Variants in CRIP2 observed in about 807,000 individuals in gnomAD.
CRIP2 encodes cysteine-rich protein 2.
Under a neutral mutation model 31.3 loss-of-function variants are expected in CRIP2, and 31 were observed. The observed-to-expected ratio is 0.99, with a 90% CI of 0.74 to 1.34. The LOEUF (loss-of-function observed/expected upper bound fraction) is 1.34, where lower values mean the gene tolerates loss of function less well. Among genes scored for constraint, CRIP2 ranks in the 40% most tolerant of loss-of-function variants. The pLI is 0.00. For synonymous variants in CRIP2, 177 were observed against 127.2 expected (o/e 1.39, Z -2.63); for missense variants, 389 against 301.6 (o/e 1.29, Z -2.15).
chr14:105,476,385 C>T (rs2083932991), intron 1 of CRIP2: 1 of 985,396 alleles, frequency 1.0e-6, no homozygotes, highest in Non-Finnish European at 1.2e-6. Context: ...CCTGCCCACC[C>T]TCACACCAGG....
In CRIP2 at chr14:105,479,201, C is replaced by T; in HGVS notation, c.483C>T (p.Thr161=). ...LRCERCGKTL[T]PGGHAEHDGQ... ...GCGAGCGCTGCGGGAAGACACTGAC[C>T]CCCGGCGGGCACGCGGAGGTGAGGG... is the stretch of plus-strand genomic sequence containing the variant. Residue 161 remains threonine (T), a synonymous_variant, in exon 6 of 8, where the codon ACC becomes ACT. Transcript: ENST00000329146. The T allele has an allele frequency of 6.2e-7, 1 of 1,611,096 alleles. No individual in the cohort carries two copies. The highest frequency in any genetic ancestry group is 8.5e-7 in the Non-Finnish European group (1 of 1,179,310).
chr14:105,473,743 G>A (rs138730014), upstream of CRIP2, among the ~76,000 whole-genome samples: 1,072 of 152,296 alleles, frequency 7.0e-3, 14 homozygotes, highest in African/African-American at 0.025. Flanking sequence ...GCTCTAGGGC[G>A]GAGGCACTGT....
At chr14:105,475,004 GC>G (rs2083901900) in intron 1 of CRIP2, 99 bp downstream of exon 1, 3 of 1,270,778 alleles carry the variant, frequency 2.4e-6, no homozygotes, top group East Asian at 3.4e-5. Context: ...GGTGCGCCCG[GC>G]CCCGGCCCCG....
At position 105,479,046 on chromosome 14, in the gene CRIP2, C is replaced by A. The variant is rs781981653; in HGVS notation, c.405C>A (p.Phe135Leu). 1.3e-6 allele frequency: 2 copies of A among 1,574,546 alleles called. No homozygotes were observed. The highest frequency in any genetic ancestry group is 2.2e-4 in the Middle Eastern group (1 of 4,448). ...TCPRCSKKVYFAEKVTSLGKD... is the reference protein window; with the variant it reads ...TCPRCSKKVYLAEKVTSLGKD... ...CGCGCTGCAGCAAGAAGGTGTACTT[C>A]GGTGAGTGCGCGCCCGGGCCCCGGA... is the stretch of plus-strand genomic sequence containing the variant. The change falls in exon 5 of 8, where the codon TTC (phenylalanine) becomes TTA (leucine). Residue 135 changes from phenylalanine to leucine, a missense_variant and splice_region_variant. Physicochemically the swap from Phe to Leu is conservative, Grantham distance 22. Transcript: ENST00000329146.
At chr14:105,476,371 G>A in intron 1 of CRIP2, 1 of 985,518 alleles carries the variant, frequency 1.0e-6, no homozygotes. Context: ...CGAGGGTCCA[G>A]AATCCTGCCC....
chr14:105,479,653 G>A lies in CRIP2; in HGVS notation c.627G>A (p.Ter209=), dbSNP rs2084048065. The change falls in exon 8 of 8, where the codon TAG becomes TAA. Residue 209 remains the stop codon, a stop_retained_variant. Transcript: ENST00000329146. ...DRDPEGKVQP[*] is the part of the protein sequence containing the mutation. The stretch of plus-strand genomic sequence containing the variant: ...ACCCCGAAGGCAAGGTCCAGCCCTA[G>A]GCTACAGCGGCTCTCATGATGTGGG... The A allele has an allele frequency of 6.2e-7, 1 of 1,611,384 alleles. No homozygotes were observed.
intron 1 of CRIP2, chr14:105,475,881 G>T (rs1054891879): frequency 2.0e-6 from 2 of 985,516 alleles, no homozygotes; most frequent in Non-Finnish European, 2.4e-6. Flanking sequence ...AGGAGGGCCG[G>T]GACCAACAGG....
At position 105,478,243 on chromosome 14, in the gene CRIP2, C is replaced by T; in HGVS notation, c.44-23C>T. Reference sequence around the variant, plus strand: ...TGCGGGGCGCGCCCCGGCCCTGACCCCCCTGCCGCCCCTCCCGCTCAGCCG... The same window carrying T: ...TGCGGGGCGCGCCCCGGCCCTGACCTCCCTGCCGCCCCTCCCGCTCAGCCG... On this transcript the variant is annotated intron_variant, in intron 1 of 7. Transcript: ENST00000329146. This position sits in a 1 kb window ranked among gnomAD's most constrained non-coding sequence, Gnocchi z 4.9. 1 of 1,519,600 alleles carries T rather than the reference C, an allele frequency of 6.6e-7. No homozygotes were observed. Among genetic ancestry groups the T allele is most frequent in the Non-Finnish European group, 8.8e-7 (1 of 1,136,030 alleles). 94.1% of individuals were successfully genotyped at this position (1,519,600 alleles called of 1,614,324 possible).
At chr14:105,479,530 G>A in intron 7 of CRIP2, 37 bp downstream of exon 7, 1 of 1,612,642 alleles carries the variant, frequency 6.2e-7, no homozygotes, top group South Asian at 1.1e-5. Context: ...TGTCTTCCCT[G>A]CCCTCCCCTT....
At position 105,479,602 on chromosome 14, in the gene CRIP2, G is replaced by T; in HGVS notation, c.576G>T (p.Ala192=). 1 of 1,612,760 alleles carries T rather than the reference G, an allele frequency of 6.2e-7. No homozygotes were observed. The highest frequency in any genetic ancestry group is 8.5e-7 in the Non-Finnish European group (1 of 1,179,914). The change falls in exon 8 of 8, where the codon GCG becomes GCT. Residue 192 remains alanine (A), a synonymous_variant. Coordinates refer to ENST00000329146, the MANE Select transcript of CRIP2 (RefSeq NM_001312.4). ...CCTCCACAGGAGTGAACACCGGTGC[G>T]GTGGGCAGCTACATCTATGACCGGG... The part of the protein sequence containing the change: ...LFGPKGVNTG[A]VGSYIYDRDP...
At chr14:105,477,626 T>C (rs2083961945) in intron 1 of CRIP2, 1 of 841,642 alleles carries the variant, frequency 1.2e-6, no homozygotes, top group Non-Finnish European at 1.3e-6. Flanking sequence ...GAGAAGTGTT[T>C]GAGGGAATGA....
At position 105,478,930 on chromosome 14, in the gene CRIP2, G is replaced by C. The variant is rs1005810491; in HGVS notation, c.338-49G>C. 2 of 1,528,250 alleles carry C rather than the reference G, an allele frequency of 1.3e-6. No homozygotes were observed. Among genetic ancestry groups the C allele is most frequent in the Admixed American group, 2.0e-5 (1 of 50,236 alleles). 94.7% of individuals were successfully genotyped at this position (1,528,250 alleles called of 1,614,324 possible). A position where few individuals can be genotyped will look rare whatever the true frequency, so the allele number is the denominator to read the frequency against. On this transcript the variant is annotated intron_variant, in intron 4 of 7. Coordinates refer to ENST00000329146, the MANE Select transcript of CRIP2 (RefSeq NM_001312.4). This position sits in a 1 kb window ranked among gnomAD's most constrained non-coding sequence, Gnocchi z 4.9. Reference sequence around the variant, plus strand: ...GGGCACGCGCGGGCTGGGGCTGGGGGTTGTGGGCACCCCCGGCCCCGCCCC... The same window carrying C: ...GGGCACGCGCGGGCTGGGGCTGGGGCTTGTGGGCACCCCCGGCCCCGCCCC...
In CRIP2 at chr14:105,478,341, C is replaced by A. The variant is rs781921179; in HGVS notation, c.119C>A (p.Thr40Lys). 1.3e-6 allele frequency: 2 copies of A among 1,560,772 alleles called. No individual in the cohort carries two copies. The highest frequency in any genetic ancestry group is 1.9e-5 in the Admixed American group (1 of 51,804). Reference protein sequence around the residue: ...LKCERCSKTLTPGGHAEHDGK... With the variant: ...LKCERCSKTLKPGGHAEHDGK... Reference sequence around the variant, plus strand: ...TGCGAGCGCTGCAGCAAGACGCTGACGCCCGGGGGCCACGCCGAGGTGAGC... The same window carrying A: ...TGCGAGCGCTGCAGCAAGACGCTGAAGCCCGGGGGCCACGCCGAGGTGAGC... The change falls in exon 2 of 8, where the codon ACG (threonine) becomes AAG (lysine). Residue 40 changes from threonine to lysine, a missense_variant. Physicochemically the swap from Thr to Lys is moderately conservative, Grantham distance 78. Transcript: ENST00000329146. This position sits in a 1 kb window ranked among gnomAD's most constrained non-coding sequence, Gnocchi z 4.9.
chr14:105,477,185 CCTCCCCACCTCTTCCTGCCT>C, intron 1 of CRIP2: 1 of 788,774 alleles, frequency 1.3e-6, no homozygotes, highest in Non-Finnish European at 1.5e-6. Context: ...CCTTCCTGCC[CCTCCCCACCTCTTCCTGCCT>C]GGCTCCCTAG....
intron 1 of CRIP2, chr14:105,476,254 G>GAC: frequency 3.0e-6 from 3 of 985,502 alleles, no homozygotes; most frequent in Non-Finnish European, 2.4e-6. Context: ...CAGTCCTGTG[G>GAC]ACAGCCCGGA....
upstream of CRIP2, chr14:105,474,725 G>C: frequency 9.9e-7 from 1 of 1,011,306 alleles, no homozygotes; most frequent in Non-Finnish European, 1.2e-6. The surrounding 1 kb of genome is among the most constrained non-coding windows in gnomAD (Gnocchi z 5.1). Context: ...CCCCAGCCCG[G>C]GGGACGGGTT....
chr14:105,479,287 G>A, intron 6 of CRIP2, 68 bp downstream of exon 6: 6 of 1,515,754 alleles, frequency 4.0e-6, no homozygotes, highest in South Asian at 1.2e-5. Context: ...AGGGTGAGAG[G>A]CGCGCCTAGA....
chr14:105,473,124 G>A (rs951437400), upstream of CRIP2: 25 of 1,198,808 alleles, frequency 2.1e-5, no homozygotes, highest in African/African-American at 3.0e-5. Flanking sequence ...AACAGGGCAG[G>A]GAGCTGGAGA....
rs587747584 is a variant in CRIP2, at chr14:105,479,621, G to A, written c.595G>A (p.Asp199Asn). The A allele has an allele frequency of 9.9e-6, 16 of 1,612,562 alleles. No homozygotes were observed. In the Admixed American group the frequency reaches 2.5e-4, roughly 25 times the overall value. The change falls in exon 8 of 8, where the codon GAC becomes AAC. Residue 199 changes from aspartate to asparagine, a missense_variant. By Grantham distance (23) the Asp-to-Asn change is conservative (BLOSUM62 1). Transcript: ENST00000329146. ...CGGTGCGGTGGGCAGCTACATCTATGACCGGGACCCCGAAGGCAAGGTCCA... is the reference window on the plus strand; with the variant it reads ...CGGTGCGGTGGGCAGCTACATCTATAACCGGGACCCCGAAGGCAAGGTCCA... ...NTGAVGSYIY[D>N]RDPEGKVQP is the part of the protein sequence containing the mutation.
Sources: allele counts gnomAD v4.1 joint callset (sites outside exome capture counted in the v4.1 genomes callset), GRCh38; gene constraint gnomAD v4.1.1; non-coding constraint Gnocchi (gnomAD v3.1); transcripts MANE v1.5; gene names NCBI Gene and HGNC (gene_info 2026-07-23, HGNC 2026-07-21).